Variants in PTAR1 observed in about 807,000 individuals in gnomAD.
PTAR1 encodes protein prenyltransferase alpha subunit repeat containing 1, also known as protein prenyltransferase alpha subunit repeat-containing protein 1.
PTAR1 carries 17 observed loss-of-function variants against 45.5 expected under a neutral mutation model. The ratio of observed to expected loss-of-function variants is 0.37; its 90% CI spans 0.26 to 0.56. The LOEUF (loss-of-function observed/expected upper bound fraction) is 0.56. PTAR1 is among the 20% of genes least tolerant of loss of function. The pLI is 0.77. For missense variants in PTAR1, 391 were observed against 476.3 expected (o/e 0.82, Z 1.67); for synonymous variants, 169 against 171.3 (o/e 0.99, Z 0.11).
In PTAR1 at chr9:69,714,166, A is replaced by G. The variant is rs935854854; in HGVS notation, c.*4176T>C. The G allele has an allele frequency of 6.6e-6, 1 of 152,146 alleles. No individual in the cohort carries two copies. The highest frequency in any genetic ancestry group is 1.9e-4 in the East Asian group (1 of 5,198). The allele number at this position is 152,146 out of a possible 1,614,324, so 9.4% of individuals were successfully genotyped here. On this transcript the variant is annotated 3_prime_UTR_variant, in exon 8 of 8. Coordinates refer to ENST00000340434, the MANE Select transcript of PTAR1 (RefSeq NM_001099666.2). Reference sequence around the variant, plus strand: ...GCATACCTAGGTATGGGGAGGCAGCAACACATAAAGTGCTAGGGTTTGCAC... The same window carrying G: ...GCATACCTAGGTATGGGGAGGCAGCGACACATAAAGTGCTAGGGTTTGCAC...
At chr9:69,757,554 T>A (rs1826843944) in intron 1 of PTAR1, 1 of 152,174 alleles carries the variant, frequency 6.6e-6, no homozygotes, top group Non-Finnish European at 1.5e-5. Context: ...AATCCACATC[T>A]CACCACTGCA....
At chr9:69,755,478 A>G (rs572209318) in intron 1 of PTAR1, among the ~76,000 whole-genome samples, 1 of 152,236 alleles carries the variant, frequency 6.6e-6, no homozygotes, top group Non-Finnish European at 1.5e-5. Context: ...TTATCCACAA[A>G]AGTTGCATCA....
At chr9:69,727,643 AT>A (rs1343134534) in intron 5 of PTAR1, among the ~76,000 whole-genome samples, 1 of 150,580 alleles carries the variant, frequency 6.6e-6, no homozygotes, top group Non-Finnish European at 1.5e-5. Context: ...ATATGTACAT[AT>A]TATGTATTGG....
rs574564260 is a variant in PTAR1, at chr9:69,721,274, C to T, written c.947+2052G>A. On this transcript the variant is annotated intron_variant, in intron 6 of 7. Coordinates refer to ENST00000340434, the MANE Select transcript of PTAR1 (RefSeq NM_001099666.2). Reference sequence around the variant, plus strand: ...TTCAAGACTTCAGTGTAGTAAGTCACGGCAAATGTGGTGGAAATTGCAAGA... The same window carrying T: ...TTCAAGACTTCAGTGTAGTAAGTCATGGCAAATGTGGTGGAAATTGCAAGA... 8.3e-4 allele frequency among the ~76,000 whole-genome samples: 126 copies of T among 152,174 alleles called. 1 individual carries two copies. Among genetic ancestry groups the T allele is most frequent in the South Asian group, 1.7e-3 (8 of 4,824 alleles).
At position 69,713,110 on chromosome 9, in the gene PTAR1, T is replaced by C. The variant is rs149971052; in HGVS notation, c.*5232A>G. The C allele has an allele frequency of 2.4e-3, 359 of 152,220 alleles. No individual in the cohort carries two copies. Among genetic ancestry groups the C allele is most frequent in the African/African-American group, 8.3e-3 (346 of 41,558 alleles). 9.4% of individuals were successfully genotyped at this position (152,220 alleles called of 1,614,324 possible). On this transcript the variant is annotated 3_prime_UTR_variant, in exon 8 of 8. Coordinates refer to ENST00000340434, the MANE Select transcript of PTAR1 (RefSeq NM_001099666.2). ...ACGTCAGGGTTAGCTTTCTGGACAA[T>C]AGAATCATCCAGAAAGCACAAATTA...
intron 5 of PTAR1, 82 bp from the exon 6 acceptor site, chr9:69,723,712 G>A: frequency 9.2e-7 from 1 of 1,090,542 alleles, no homozygotes; most frequent in Non-Finnish European, 1.3e-6. Flanking sequence ...ATTTCTCTTT[G>A]ATTTGTTCCT....
chr9:69,759,712 C>G, intron 1 of PTAR1, 141 bp downstream of exon 1: 1 of 784,692 alleles, frequency 1.3e-6, no homozygotes, highest in Non-Finnish European at 1.9e-6. Context: ...CGGTCCCGCC[C>G]GACACGGCTC....
chr9:69,726,454 T>G (rs776397392), intron 5 of PTAR1, among the ~76,000 whole-genome samples: 5 of 152,058 alleles, frequency 3.3e-5, no homozygotes, highest in Non-Finnish European at 7.4e-5. Flanking sequence ...CATAAATAAA[T>G]CTATGTACAT....
chr9:69,719,319 A>G (rs561645695), intron 6 of PTAR1, among the ~76,000 whole-genome samples: 1 of 152,242 alleles, frequency 6.6e-6, no homozygotes, highest in South Asian at 2.1e-4. Flanking sequence ...CTCCGAGGAG[A>G]GCAATTCTCC....
In PTAR1 at chr9:69,718,407, G is replaced by T; in HGVS notation, c.1144C>A (p.Arg382=). 1.2e-6 allele frequency: 2 copies of T among 1,613,400 alleles called. 1 individual carries two copies. Among genetic ancestry groups the T allele is most frequent in the South Asian group, 2.2e-5 (2 of 91,032 alleles). ...RFIDQVLSTC[R]NVEQARFASA... The stretch of plus-strand genomic sequence containing the variant: ...GCAAACCTGGCTTGCTCCACGTTCC[G>T]ACAGGTGGACAATACTTGATCAATG... Residue 382 remains arginine, a synonymous_variant, in exon 8 of 8, where the codon CGG becomes AGG. Coordinates refer to ENST00000340434, the MANE Select transcript of PTAR1 (RefSeq NM_001099666.2).
chr9:69,745,963 G>A (rs966512313), intron 2 of PTAR1, among the ~76,000 whole-genome samples: 2 of 152,180 alleles, frequency 1.3e-5, no homozygotes, highest in Non-Finnish European at 2.9e-5. Context: ...GCTGAGCAGA[G>A]GGATACTTTT....
intron 1 of PTAR1, among the ~76,000 whole-genome samples, chr9:69,753,234 A>T (rs1210674502): frequency 6.6e-6 from 1 of 152,088 alleles, no homozygotes; most frequent in African/African-American, 2.4e-5. Context: ...TTGGTATCTA[A>T]ACTACAGAAA....
intron 6 of PTAR1, among the ~76,000 whole-genome samples, chr9:69,720,257 G>A (rs772496823): frequency 2.6e-5 from 4 of 152,216 alleles, no homozygotes; most frequent in Non-Finnish European, 4.4e-5. Flanking sequence ...ACACACAAAT[G>A]ATAAGCGAAA....
chr9:69,724,863 C>T (rs1825193830), intron 5 of PTAR1, among the ~76,000 whole-genome samples: 1 of 152,176 alleles, frequency 6.6e-6, no homozygotes, highest in Non-Finnish European at 1.5e-5. Flanking sequence ...AGTAAGATTA[C>T]TTCCAGCCAA....
At chr9:69,742,356 A>G (rs1826080301) in intron 2 of PTAR1, among the ~76,000 whole-genome samples, 1 of 152,150 alleles carries the variant, frequency 6.6e-6, no homozygotes, top group African/African-American at 2.4e-5. Flanking sequence ...TAGCAATGAT[A>G]AATGTACAAC....
At chr9:69,733,192 T>C (rs1299995964) in intron 4 of PTAR1, among the ~76,000 whole-genome samples, 1 of 152,136 alleles carries the variant, frequency 6.6e-6, no homozygotes, top group Non-Finnish European at 1.5e-5. Context: ...TATTTAACAG[T>C]TCCTTTCCCC....
At chr9:69,744,794 T>C (rs1000504442) in intron 2 of PTAR1, among the ~76,000 whole-genome samples, 1 of 152,208 alleles carries the variant, frequency 6.6e-6, no homozygotes, top group South Asian at 2.1e-4. Flanking sequence ...GTTCAAATTA[T>C]TCATTCACTC....
chr9:69,750,868 C>T lies in PTAR1; in HGVS notation c.169G>A (p.Glu57Lys), dbSNP rs777020228. The T allele has an allele frequency of 6.2e-7, 1 of 1,610,372 alleles. No individual in the cohort carries two copies. Among genetic ancestry groups the T allele is most frequent in the East Asian group, 2.2e-5 (1 of 44,810 alleles). ...AAAAGGAACTTGACACACCAGCTCTCCACACCCAGTTTGTTTTCAACCAGG... is the reference window on the plus strand; with the variant it reads ...AAAAGGAACTTGACACACCAGCTCTTCACACCCAGTTTGTTTTCAACCAGG... The part of the protein sequence containing the change: ...IVLVENKLGV[E>K]SWCVKFLLPY... Residue 57 changes from glutamate to lysine, a missense_variant, in exon 2 of 8, where the codon GAG becomes AAG. Glu to Lys is a moderately conservative substitution (Grantham distance 56). This residue lies in a region of PTAR1 where 152 missense variants were observed against 160.0 expected (regional missense o/e 0.95). Transcript: ENST00000340434.
At position 69,740,657 on chromosome 9, in the gene PTAR1, A is replaced by AGG. The variant is rs1190256854; in HGVS notation, c.323+1134_323+1135insCC. On this transcript the variant is annotated intron_variant, in intron 3 of 7. Transcript: ENST00000340434. ...TAGATGCTAAGGAAACAAAGGGGAA[A>AGG]AAAAAAAAAAAAAAGACATGGTCCC... 3.8e-3 allele frequency among the ~76,000 whole-genome samples: 562 copies of AGG among 146,720 alleles called. 5 individuals are homozygous for AGG. The highest frequency in any genetic ancestry group is 0.021 in the South Asian group (100 of 4,656).
Sources: allele counts gnomAD v4.1 joint callset (sites outside exome capture counted in the v4.1 genomes callset), GRCh38; gene constraint gnomAD v4.1.1; regional missense constraint gnomAD v4.1.1; transcripts MANE v1.5; gene names NCBI Gene and HGNC (gene_info 2026-07-23, HGNC 2026-07-21).